The following SOX5 variants were observed in gnomAD, a reference collection of about 807,000 sequenced individuals.
SOX5 encodes the protein transcription factor SOX-5.
In SOX5, 9 loss-of-function variants were observed where a neutral mutation model predicts 92.0. The observed-to-expected ratio is 0.10, with a 90% CI of 0.06 to 0.17. SOX5 has a LOEUF of 0.17. Among genes scored for constraint, SOX5 ranks in the 10% least tolerant of loss-of-function variants. SOX5 has a pLI of 1.00. For missense variants in SOX5, 642 were observed against 944.5 expected (o/e 0.68, Z 4.20); for synonymous variants, 344 against 336.3 (o/e 1.02, Z -0.25).
At chr12:23,857,514 GC>G (rs1235800350) in intron 2 of SOX5, among the ~76,000 whole-genome samples, 1 of 152,108 alleles carries the variant, frequency 6.6e-6, no homozygotes, top group Non-Finnish European at 1.5e-5. Flanking sequence ...TCAGAAAGGA[GC>G]TTTTCCAAAC....
Position 23,785,004 on chromosome 12 carries a change from C to T in SOX5, c.482-29280G>A, listed in dbSNP as rs182294063. On this transcript the variant is annotated intron_variant, in intron 3 of 14. Coordinates refer to ENST00000451604, the MANE Select transcript of SOX5 (RefSeq NM_006940.6). Reference sequence around the variant, plus strand: ...AGCTGAGGTGGGAGGGCCACTTGAGCCTGGGAGATCTAGGCTACAGGGAGC... The same window carrying T: ...AGCTGAGGTGGGAGGGCCACTTGAGTCTGGGAGATCTAGGCTACAGGGAGC... 1.4e-4 allele frequency among the ~76,000 whole-genome samples: 21 copies of T among 152,284 alleles called. No individual in the cohort carries two copies. In the East Asian group the frequency reaches 3.1e-3, roughly 22 times the overall value.
At chr12:23,821,470 G>C (rs12308843) in intron 3 of SOX5, among the ~76,000 whole-genome samples, 43,254 of 152,172 alleles carry the variant, frequency 0.28, 6,405 homozygotes, top group African/African-American at 0.37. Flanking sequence ...TGTTGAATAG[G>C]AGTGGAGAGA....
At chr12:23,591,061 G>C (rs978725788) in intron 9 of SOX5, among the ~76,000 whole-genome samples, 3 of 151,048 alleles carry the variant, frequency 2.0e-5, no homozygotes, top group Non-Finnish European at 3.0e-5. Flanking sequence ...ATTTCTTTTT[G>C]TCTTATTAAA....
At chr12:24,503,253 C>G (rs921856206) in intron 1 of SOX5, among the ~76,000 whole-genome samples, 1 of 152,092 alleles carries the variant, frequency 6.6e-6, no homozygotes, top group South Asian at 2.1e-4. Context: ...TTTTTTTAGC[C>G]AGGCATCATG....
At chr12:23,577,705 T>C (rs909178582) in intron 9 of SOX5, among the ~76,000 whole-genome samples, 5 of 152,206 alleles carry the variant, frequency 3.3e-5, no homozygotes, top group African/African-American at 1.2e-4. Context: ...GTCAGATAAG[T>C]AAGAAATTAA....
intron 3 of SOX5, among the ~76,000 whole-genome samples, chr12:24,255,249 T>C (rs1247776810): frequency 6.6e-6 from 1 of 152,170 alleles, no homozygotes; most frequent in Non-Finnish European, 1.5e-5. Context: ...AGAGTAAGCT[T>C]TTGTTGTCTC....
intron 3 of SOX5, among the ~76,000 whole-genome samples, chr12:23,827,841 G>C (rs543650711): frequency 6.6e-6 from 1 of 152,128 alleles, no homozygotes. Context: ...ATTTGGGAAG[G>C]AGCAAATGAA....
At chr12:24,407,904 A>T (rs1963314620) in intron 1 of SOX5, among the ~76,000 whole-genome samples, 1 of 152,226 alleles carries the variant, frequency 6.6e-6, no homozygotes, top group Non-Finnish European at 1.5e-5. Flanking sequence ...GAATTTTTTA[A>T]AGCGTCCAAT....
rs79515087 is a variant in SOX5, at chr12:24,291,242, G to A, written c.-173-13930C>T. 3.7e-4 allele frequency among the ~76,000 whole-genome samples: 56 copies of A among 152,170 alleles called. 1 individual carries two copies. In the East Asian group the frequency reaches 9.3e-3, roughly 25 times the overall value. Reference sequence around the variant, plus strand: ...TATCCAAAGTGTTAATAAATCACTCGGAAATTTAAATGTTATTTTCTGTTA... The same window carrying A: ...TATCCAAAGTGTTAATAAATCACTCAGAAATTTAAATGTTATTTTCTGTTA... On this transcript the variant is annotated intron_variant, in intron 2 of 4. Transcript: ENST00000446891.
intron 4 of SOX5, among the ~76,000 whole-genome samples, chr12:24,184,725 T>C (rs1955849380): frequency 6.6e-6 from 1 of 152,118 alleles, no homozygotes; most frequent in Non-Finnish European, 1.5e-5. Context: ...CAGAAATATT[T>C]CAAACAACTT....
intron 1 of SOX5, among the ~76,000 whole-genome samples, chr12:24,510,539 C>A (rs996174203): frequency 1.3e-5 from 2 of 152,030 alleles, no homozygotes; most frequent in Non-Finnish European, 2.9e-5. Context: ...GAAGTAAAGA[C>A]CAGGTAGATA....
chr12:24,194,367 C>A (rs979174309), intron 4 of SOX5, among the ~76,000 whole-genome samples: 5 of 152,120 alleles, frequency 3.3e-5, no homozygotes, highest in East Asian at 1.9e-4. Context: ...AACCCATACA[C>A]ACAACATGCA....
At chr12:24,050,084 C>CAAAAAA (rs10687571) in intron 4 of SOX5, among the ~76,000 whole-genome samples, 7 of 74,234 alleles carry the variant, frequency 9.4e-5, no homozygotes, top group East Asian at 4.4e-4. Context: ...GGCGCAGAGG[C>CAAAAAA]AAAAAAAAAA....
At chr12:24,516,403 G>A (rs550029774) in intron 1 of SOX5, among the ~76,000 whole-genome samples, 1 of 151,982 alleles carries the variant, frequency 6.6e-6, no homozygotes, top group South Asian at 2.1e-4. Flanking sequence ...ATTTTTGAGG[G>A]CAACAACTTC....
chr12:23,785,789 C>A (rs1404358028), intron 3 of SOX5, among the ~76,000 whole-genome samples: 2 of 152,026 alleles, frequency 1.3e-5, no homozygotes, highest in Admixed American at 1.3e-4. Flanking sequence ...TTCTTGATGT[C>A]GAGAAAACAT....
chr12:24,414,582 A>G (rs1396282898), intron 1 of SOX5, among the ~76,000 whole-genome samples: 1 of 152,216 alleles, frequency 6.6e-6, no homozygotes, highest in Admixed American at 6.5e-5. Flanking sequence ...TCATGTCCAG[A>G]GACAGCCATC....
intron 3 of SOX5, among the ~76,000 whole-genome samples, chr12:23,786,630 T>A (rs1237294075): frequency 6.8e-6 from 1 of 147,076 alleles, no homozygotes; most frequent in Non-Finnish European, 1.5e-5. Flanking sequence ...CACGTATTAT[T>A]TTTCTAGAAG....
chr12:23,995,142 T>C (rs1190806269), intron 4 of SOX5, among the ~76,000 whole-genome samples: 3 of 152,322 alleles, frequency 2.0e-5, no homozygotes, highest in East Asian at 1.9e-4. Flanking sequence ...ACAAGATTTG[T>C]GAGAGTCTTT....
chr12:24,461,954 G>A (rs1261805165), intron 1 of SOX5, among the ~76,000 whole-genome samples: 6 of 152,120 alleles, frequency 3.9e-5, no homozygotes, highest in African/African-American at 1.2e-4. Flanking sequence ...ATTTACCTCC[G>A]TCTTCCCAAT....
Sources: allele counts gnomAD v4.1 joint callset (sites outside exome capture counted in the v4.1 genomes callset), GRCh38; gene constraint gnomAD v4.1.1; transcripts MANE v1.5; gene names NCBI Gene and HGNC (gene_info 2026-07-23, HGNC 2026-07-21).